The following TBC1D9 variants were observed in gnomAD, a reference collection of about 807,000 sequenced individuals.
TBC1D9 encodes the protein TBC1 domain family member 9A.
TBC1D9 carries 63 observed loss-of-function variants against 132.0 expected under a neutral mutation model. The ratio of observed to expected loss-of-function variants is 0.48; its 90% CI spans 0.39 to 0.59. TBC1D9 has a LOEUF of 0.59. Ranked by LOEUF, TBC1D9 falls within the 20% of genes least tolerant of loss-of-function variation. The pLI is 0.00. For missense variants in TBC1D9, 1,261 were observed against 1,592.7 expected (o/e 0.79, Z 3.54); for synonymous variants, 610 against 609.9 (o/e 1.00, Z 0.00).
intron 17 of TBC1D9, among the ~76,000 whole-genome samples, 169 bp from the exon 18 acceptor site, chr4:140,627,696 T>C (rs1736730272): frequency 6.6e-6 from 1 of 152,182 alleles, no homozygotes; most frequent in Non-Finnish European, 1.5e-5. Flanking sequence ...AGGAGGTCAC[T>C]AACTCCATCT....
At chr4:140,645,934 G>A (rs1338913971) in intron 13 of TBC1D9, among the ~76,000 whole-genome samples, 1 of 152,224 alleles carries the variant, frequency 6.6e-6, no homozygotes. Context: ...AACGCTCAGA[G>A]AAACAGTATG....
Position 140,756,145 on chromosome 4 carries a change from C to A in TBC1D9, c.-100G>T. On this transcript the variant is annotated 5_prime_UTR_variant, in exon 1 of 21. Transcript: ENST00000442267. This position sits in a 1 kb window ranked among gnomAD's most constrained non-coding sequence, Gnocchi z 5.6. The stretch of plus-strand genomic sequence containing the variant: ...CACTCCTGGGCACACGCGCGCCCGC[C>A]CGCCCGTCCGCTAGGTGCGGCGGCG... The A allele has an allele frequency of 1.0e-6, 1 of 976,504 alleles. No individual in the cohort carries two copies. Among genetic ancestry groups the A allele is most frequent in the Non-Finnish European group, 1.4e-6 (1 of 734,434 alleles). The allele number at this position is 976,504 out of a possible 1,614,324, so 60.5% of individuals were successfully genotyped here. A position where few individuals can be genotyped will look rare whatever the true frequency, so the allele number is the denominator to read the frequency against.
chr4:140,696,897 A>C (rs974464913), intron 2 of TBC1D9, among the ~76,000 whole-genome samples: 3 of 152,254 alleles, frequency 2.0e-5, no homozygotes, highest in African/African-American at 7.2e-5. Flanking sequence ...CTAGCAAATT[A>C]GAAGTTTTTA....
intron 16 of TBC1D9, 98 bp from the exon 17 acceptor site, chr4:140,628,463 A>G: frequency 9.1e-7 from 1 of 1,104,102 alleles, no homozygotes; most frequent in Non-Finnish European, 1.4e-6. Flanking sequence ...ACACATTCCA[A>G]CCAAGACATT....
At chr4:140,662,583 T>C (rs1354674984) in intron 9 of TBC1D9, among the ~76,000 whole-genome samples, 6 of 152,226 alleles carry the variant, frequency 3.9e-5, no homozygotes, top group Non-Finnish European at 8.8e-5. Context: ...GCTAACGTGT[T>C]AGCTCTGAAG....
chr4:140,636,563 T>C (rs116346148), intron 15 of TBC1D9, among the ~76,000 whole-genome samples: 1 of 151,986 alleles, frequency 6.6e-6, no homozygotes. Flanking sequence ...AAAAAATATA[T>C]ATTTTTTAGT....
At chr4:140,741,967 C>A (rs1262584983) in intron 1 of TBC1D9, among the ~76,000 whole-genome samples, 1 of 152,136 alleles carries the variant, frequency 6.6e-6, no homozygotes, top group African/African-American at 2.4e-5. Context: ...CCTTTCCAGA[C>A]CAAACCAATG....
At chr4:140,662,203 C>G (rs1737373264) in intron 9 of TBC1D9, 96 bp from the exon 10 acceptor site, 1 of 998,332 alleles carries the variant, frequency 1.0e-6, no homozygotes, top group African/African-American at 1.6e-5. Context: ...TACTTTCCTA[C>G]CTCTCAAAGG....
At chr4:140,719,115 AAAATAAAT>A (rs200581012) in intron 1 of TBC1D9, among the ~76,000 whole-genome samples, 41,226 of 141,176 alleles carry the variant, frequency 0.29, 6,841 homozygotes, top group South Asian at 0.41. Flanking sequence ...ACTCCATCTC[AAAATAAAT>A]AAATAAATAA....
intron 1 of TBC1D9, among the ~76,000 whole-genome samples, chr4:140,705,723 G>A (rs971766645): frequency 5.3e-5 from 8 of 152,188 alleles, no homozygotes; most frequent in South Asian, 2.1e-4. Context: ...CAACAATTAC[G>A]ATTTTCTTAG....
At chr4:140,754,471 C>T (rs893776934) in intron 1 of TBC1D9, among the ~76,000 whole-genome samples, 7 of 151,484 alleles carry the variant, frequency 4.6e-5, no homozygotes, top group East Asian at 1.9e-4. Flanking sequence ...AAAAATTAGC[C>T]GGGCGGGTTG....
At chr4:140,635,221 A>C (rs920987627) in intron 15 of TBC1D9, among the ~76,000 whole-genome samples, 1 of 152,132 alleles carries the variant, frequency 6.6e-6, no homozygotes, top group Non-Finnish European at 1.5e-5. Flanking sequence ...GCTCATTCCT[A>C]TATTCCCAGC....
chr4:140,671,084 T>C lies in TBC1D9; in HGVS notation c.1060-158A>G, dbSNP rs1243119631. 2.0e-5 allele frequency among the ~76,000 whole-genome samples: 3 copies of C among 152,182 alleles called. No individual in the cohort carries two copies. In the South Asian group the frequency reaches 6.2e-4, roughly 32 times the overall value. On this transcript the variant is annotated intron_variant, in intron 6 of 20. Coordinates refer to ENST00000442267, the MANE Select transcript of TBC1D9 (RefSeq NM_015130.3). ...CTGAGACTCTTTGACTCTGTTCCAG[T>C]AAAATAAAACAGCTCAAAACAATCA...
chr4:140,741,577 G>A (rs938047756), intron 1 of TBC1D9, among the ~76,000 whole-genome samples: 4 of 152,172 alleles, frequency 2.6e-5, no homozygotes, highest in South Asian at 2.1e-4. Flanking sequence ...AATTAGCTAG[G>A]TGTAGTGGCA....
intron 2 of TBC1D9, among the ~76,000 whole-genome samples, 157 bp from the exon 3 acceptor site, chr4:140,686,619 C>A (rs532743586): frequency 1.7e-4 from 26 of 152,276 alleles, no homozygotes; most frequent in Admixed American, 5.9e-4. Flanking sequence ...GAGACACACA[C>A]ACAAGACATT....
At chr4:140,700,326 T>C (rs936716602) in intron 2 of TBC1D9, among the ~76,000 whole-genome samples, 2 of 151,622 alleles carry the variant, frequency 1.3e-5, no homozygotes, top group Non-Finnish European at 2.9e-5. Flanking sequence ...GGCATGAGCC[T>C]GTAATCCCAG....
chr4:140,723,321 C>T (rs553919235), intron 1 of TBC1D9, among the ~76,000 whole-genome samples: 48 of 152,244 alleles, frequency 3.2e-4, no homozygotes, highest in Non-Finnish European at 6.3e-4. Context: ...GACCTGGCTT[C>T]AGGTCTTTAC....
chr4:140,684,916 A>G (rs1737757825), intron 3 of TBC1D9, among the ~76,000 whole-genome samples: 1 of 152,052 alleles, frequency 6.6e-6, no homozygotes, highest in South Asian at 2.1e-4. Flanking sequence ...TAGTGTGAGC[A>G]CCAAAATAAT....
intron 1 of TBC1D9, among the ~76,000 whole-genome samples, chr4:140,734,578 G>A (rs1738645536): frequency 6.6e-6 from 1 of 152,148 alleles, no homozygotes; most frequent in South Asian, 2.1e-4. Context: ...GATTGTTTGA[G>A]GCCAGCCATT....
Sources: gnomAD v4.1 joint callset for allele counts (sites outside exome capture counted in the v4.1 genomes callset) on GRCh38, gnomAD v4.1.1 for gene constraint, Gnocchi (gnomAD v3.1) non-coding constraint, MANE v1.5 for transcripts, NCBI Gene and HGNC (gene_info 2026-07-23, HGNC 2026-07-21) for gene names.